Variants in CMIP observed in about 807,000 individuals in gnomAD.
The protein encoded by CMIP is c-Maf inducing protein.
Under a neutral mutation model 97.3 loss-of-function variants are expected in CMIP, and 13 were observed. The observed-to-expected ratio is 0.13, with a 90% confidence interval of 0.09 to 0.21. The LOEUF is 0.21. Ranked by LOEUF, CMIP falls within the 10% of genes least tolerant of loss-of-function variation. CMIP has a pLI of 1.00. For missense variants in CMIP, 847 were observed against 1,024.9 expected, an observed-to-expected ratio of 0.83 and a Z score of 2.37; for synonymous variants, 538 against 436.3, an observed-to-expected ratio of 1.23 and a Z score of -2.91.
In CMIP at chr16:81,615,193, G is replaced by A. The variant is rs572362037; in HGVS notation, c.427-5683G>A. ...TGTATGTGGTACGTGTATGTGTGGT[G>A]TGTGTGCATGTGTAACTATGGTGTG... On this transcript the variant is annotated intron_variant, in intron 2 of 20. Transcript: ENST00000537098. Among the ~76,000 whole-genome samples, 92 of 116,716 alleles carry A rather than the reference G, an allele frequency of 7.9e-4. No homozygotes were observed. The South Asian group carries it at 0.025, about 31-fold the overall frequency. 76.6% of individuals were successfully genotyped at this position (116,716 alleles called of 152,430 possible). A position where few individuals can be genotyped will look rare whatever the true frequency, so the allele number is the denominator to read the frequency against.
intron 1 of CMIP, chr16:81,520,569 G>GGGGGGAGAGAGAGAGAGA (rs370420453): frequency 7.5e-5 from 8 of 106,944 alleles, no homozygotes; most frequent in African/African-American, 3.1e-4. Context: ...GGAGGAAGGG[G>GGGGGGAGAGAGAGAGAGA]GAGAGAGAGA....
intron 3 of CMIP, chr16:81,631,015 G>C (rs2092150779): frequency 6.6e-6 from 1 of 152,382 alleles, no homozygotes; most frequent in Non-Finnish European, 1.5e-5. Flanking sequence ...GCATCTCCCA[G>C]CCACAGCCCA....
intron 3 of CMIP, among the ~76,000 whole-genome samples, chr16:81,648,938 A>G (rs1189978834): frequency 1.3e-5 from 2 of 151,702 alleles, no homozygotes; most frequent in Non-Finnish European, 2.9e-5. Flanking sequence ...GTGAGCCCTC[A>G]TTGCCTATAT....
At chr16:81,708,201 G>C (rs1193988333) in intron 20 of CMIP, among the ~76,000 whole-genome samples, 1 of 152,226 alleles carries the variant, frequency 6.6e-6, no homozygotes, top group Non-Finnish European at 1.5e-5. Context: ...AAGAGAGGAC[G>C]TATGGGACAC....
At chr16:81,648,985 C>T (rs1327395007) in intron 3 of CMIP, among the ~76,000 whole-genome samples, 1 of 152,050 alleles carries the variant, frequency 6.6e-6, no homozygotes, top group Non-Finnish European at 1.5e-5. Context: ...TGACTGTCTT[C>T]TCTTGCCCGT....
At chr16:81,572,068 TGA>T in intron 1 of CMIP, among the ~76,000 whole-genome samples, 1 of 152,226 alleles carries the variant, frequency 6.6e-6, no homozygotes, top group South Asian at 2.1e-4. Context: ...AGGGTGACTT[TGA>T]TGTCGTGTTC....
At chr16:81,490,447 C>T (rs2089387159) in intron 1 of CMIP, among the ~76,000 whole-genome samples, 1 of 152,172 alleles carries the variant, frequency 6.6e-6, no homozygotes, top group South Asian at 2.1e-4. Flanking sequence ...TGGTGAAAGC[C>T]TGTCTCCACT....
intron 1 of CMIP, among the ~76,000 whole-genome samples, chr16:81,548,904 T>A (rs934177670): frequency 6.6e-6 from 1 of 152,178 alleles, no homozygotes; most frequent in East Asian, 1.9e-4. Context: ...TGCCCCCCGT[T>A]GGGAACCACT....
intron 2 of CMIP, among the ~76,000 whole-genome samples, chr16:81,608,675 G>A (rs1229316593): frequency 1.3e-5 from 2 of 152,010 alleles, no homozygotes; most frequent in African/African-American, 4.8e-5. Context: ...CGTCCACCAA[G>A]AATGGAGAAG....
chr16:81,468,171 C>T (rs1463637809), intron 1 of CMIP, among the ~76,000 whole-genome samples: 1 of 152,124 alleles, frequency 6.6e-6, no homozygotes. Flanking sequence ...AGATAATGAG[C>T]GGGCTTTCCT....
At chr16:81,601,751 C>T (rs1040360658) in intron 1 of CMIP, among the ~76,000 whole-genome samples, 7 of 152,150 alleles carry the variant, frequency 4.6e-5, no homozygotes, top group African/African-American at 1.7e-4. Context: ...TCCCCCGGGG[C>T]CAGAACCCCA....
At chr16:81,664,468 C>G (rs2092581815) in intron 7 of CMIP, 119 bp downstream of exon 7, 1 of 903,298 alleles carries the variant, frequency 1.1e-6, no homozygotes, top group African/African-American at 1.7e-5. Context: ...GCGTGACAGC[C>G]AGGAACTGGG....
chr16:81,682,269 A>G (rs1904947289), intron 10 of CMIP, among the ~76,000 whole-genome samples: 1 of 151,976 alleles, frequency 6.6e-6, no homozygotes, highest in African/African-American at 2.4e-5. Context: ...TTACACATAA[A>G]GAAAAAAAGA....
intron 1 of CMIP, among the ~76,000 whole-genome samples, chr16:81,567,193 C>T (rs549413435): frequency 3.3e-5 from 5 of 152,384 alleles, no homozygotes; most frequent in South Asian, 4.1e-4. Flanking sequence ...ATTCCCACAT[C>T]GAAGTCCGAG....
chr16:81,623,934 G>T (rs1463673432), intron 3 of CMIP, among the ~76,000 whole-genome samples: 2 of 152,020 alleles, frequency 1.3e-5, no homozygotes, highest in Admixed American at 6.6e-5. Context: ...CAGATCTGTG[G>T]GGCTGTCCTA....
At chr16:81,456,734 T>C (rs962244287) in intron 1 of CMIP, among the ~76,000 whole-genome samples, 3 of 152,152 alleles carry the variant, frequency 2.0e-5, no homozygotes, top group Non-Finnish European at 2.9e-5. Flanking sequence ...CTGTGGCTGG[T>C]AAGCAGAGTT....
rs187273161 is a variant in CMIP, at chr16:81,603,236, C to G, written c.301-4331C>G. Among the ~76,000 whole-genome samples, 45 of 152,194 alleles carry G rather than the reference C, an allele frequency of 3.0e-4. No homozygotes were observed. The East Asian group carries it at 7.9e-3, about 27-fold the overall frequency. ...CTGGGACTACAGGCACCCGCCACCACGCCTGGCTCGTTTTTTTAGTATTTT... is the reference window on the plus strand; with the variant it reads ...CTGGGACTACAGGCACCCGCCACCAGGCCTGGCTCGTTTTTTTAGTATTTT... On this transcript the variant is annotated intron_variant, in intron 1 of 20. Coordinates refer to ENST00000537098, the MANE Select transcript of CMIP (RefSeq NM_198390.3).
chr16:81,686,644 C>G (rs1431432147), intron 10 of CMIP, among the ~76,000 whole-genome samples: 2 of 152,158 alleles, frequency 1.3e-5, no homozygotes, highest in African/African-American at 4.8e-5. Flanking sequence ...TCCTCAGAAG[C>G]TTCCAGGGTA....
intron 1 of CMIP, among the ~76,000 whole-genome samples, chr16:81,550,321 A>C (rs2090628014): frequency 6.6e-6 from 1 of 152,184 alleles, no homozygotes; most frequent in African/African-American, 2.4e-5. Flanking sequence ...AGTGGCATTG[A>C]AGGTCATGGG....
Sources: allele counts gnomAD v4.1 joint callset (sites outside exome capture counted in the v4.1 genomes callset), GRCh38; gene constraint gnomAD v4.1.1; transcripts MANE v1.5; gene names NCBI Gene and HGNC (gene_info 2026-07-23, HGNC 2026-07-21).